Variants in ASTN2 observed in about 807,000 individuals in gnomAD.
The protein encoded by ASTN2 is astrotactin-2.
ASTN2 carries 54 observed loss-of-function variants against 139.8 expected under a neutral mutation model. That is an observed-to-expected ratio of 0.39 (90% confidence interval 0.31 to 0.48). The LOEUF is 0.48. ASTN2 is among the 20% of genes least tolerant of loss of function. The pLI, the probability that ASTN2 is intolerant of heterozygous loss-of-function variation, is 0.95. For synonymous variants in ASTN2, 756 were observed against 719.5 expected, an observed-to-expected ratio of 1.05 and a Z score of -0.81; for missense variants, 1,565 against 1,725.1, an observed-to-expected ratio of 0.91 and a Z score of 1.64.
chr9:116,716,050 C>A (rs1828305262), intron 16 of ASTN2, among the ~76,000 whole-genome samples: 1 of 152,158 alleles, frequency 6.6e-6, no homozygotes. Context: ...CATTCATCTC[C>A]AGGGAAATTC....
intron 1 of ASTN2, among the ~76,000 whole-genome samples, chr9:117,294,705 T>C (rs1283862870): frequency 1.3e-5 from 2 of 152,206 alleles, no homozygotes; most frequent in Non-Finnish European, 2.9e-5. Flanking sequence ...CCATTGACCA[T>C]GGTCCAGGCA....
chr9:116,472,928 G>A (rs1322591351), intron 20 of ASTN2, among the ~76,000 whole-genome samples: 65 of 130,810 alleles, frequency 5.0e-4, no homozygotes, highest in East Asian at 1.1e-3. Flanking sequence ...CTCTGTCTTG[G>A]AAAAAAAAAA....
At chr9:116,636,550 C>T (rs1857082722) in intron 17 of ASTN2, among the ~76,000 whole-genome samples, 1 of 152,072 alleles carries the variant, frequency 6.6e-6, no homozygotes, top group South Asian at 2.1e-4. Flanking sequence ...TGGTGGGTAC[C>T]TGTAATCCCA....
At chr9:117,331,642 G>A (rs909691540) in intron 1 of ASTN2, among the ~76,000 whole-genome samples, 1 of 152,136 alleles carries the variant, frequency 6.6e-6, no homozygotes, top group Non-Finnish European at 1.5e-5. Flanking sequence ...CATGGCCTAT[G>A]GTGGGTGCTC....
intron 4 of ASTN2, among the ~76,000 whole-genome samples, chr9:117,120,016 GTGTATATA>G (rs1286766596): frequency 3.0e-5 from 1 of 33,820 alleles, no homozygotes; most frequent in Non-Finnish European, 7.2e-5. Context: ...GTGTGTGTGT[GTGTATATA>G]TATATATATA....
intron 12 of ASTN2, among the ~76,000 whole-genome samples, chr9:116,815,252 A>G (rs1211199093): frequency 1.3e-5 from 2 of 152,212 alleles, no homozygotes; most frequent in East Asian, 3.9e-4. Flanking sequence ...TACTATGCAT[A>G]TTAAACATGT....
intron 16 of ASTN2, among the ~76,000 whole-genome samples, chr9:116,661,564 C>T (rs1212220281): frequency 6.6e-6 from 1 of 152,020 alleles, no homozygotes; most frequent in Non-Finnish European, 1.5e-5. Context: ...AAGGAAAAAA[C>T]AGAGATGGAG....
intron 19 of ASTN2, among the ~76,000 whole-genome samples, chr9:116,544,176 C>A (rs1851995356): frequency 6.6e-6 from 1 of 152,060 alleles, no homozygotes; most frequent in South Asian, 2.1e-4. Context: ...GATGAATCAG[C>A]CCTGAAATTT....
At chr9:116,710,541 G>A (rs1321763881) in intron 16 of ASTN2, among the ~76,000 whole-genome samples, 1 of 151,930 alleles carries the variant, frequency 6.6e-6, no homozygotes, top group Non-Finnish European at 1.5e-5. Context: ...AGACCAGCCT[G>A]ACCAACATGG....
At chr9:116,988,823 C>T (rs1011965718) in intron 7 of ASTN2, among the ~76,000 whole-genome samples, 1 of 152,062 alleles carries the variant, frequency 6.6e-6, no homozygotes, top group African/African-American at 2.4e-5. Flanking sequence ...TGTGGTTGTC[C>T]ACTTCATGGG....
chr9:116,763,649 G>A (rs1314915470), intron 13 of ASTN2, among the ~76,000 whole-genome samples: 1 of 152,172 alleles, frequency 6.6e-6, no homozygotes, highest in Non-Finnish European at 1.5e-5. Context: ...ATGATTGGCT[G>A]TGTGACATAG....
chr9:117,147,858 T>C (rs561167569), intron 3 of ASTN2, among the ~76,000 whole-genome samples: 11 of 152,312 alleles, frequency 7.2e-5, no homozygotes, highest in African/African-American at 2.6e-4. Context: ...TGCTGCACTC[T>C]ATAAGTACTC....
chr9:116,471,892 T>C (rs1333011643), intron 20 of ASTN2, among the ~76,000 whole-genome samples: 1 of 152,150 alleles, frequency 6.6e-6, no homozygotes, highest in Non-Finnish European at 1.5e-5. Flanking sequence ...ATTTCAAACC[T>C]TGGGCTCTGT....
intron 16 of ASTN2, chr9:116,687,010 G>T: frequency 7.1e-7 from 1 of 1,404,638 alleles, no homozygotes; most frequent in Non-Finnish European, 9.3e-7. Flanking sequence ...GTTTTGTGAA[G>T]GGGTAGACAT....
chr9:117,389,950 C>T (rs1364435144), intron 1 of ASTN2, among the ~76,000 whole-genome samples: 1 of 151,926 alleles, frequency 6.6e-6, no homozygotes, highest in African/African-American at 2.4e-5. Flanking sequence ...CCAGGGAGGC[C>T]CTCTGGGGTC....
chr9:116,433,102 T>C (rs940790495), intron 22 of ASTN2, among the ~76,000 whole-genome samples: 1 of 152,190 alleles, frequency 6.6e-6, no homozygotes, highest in African/African-American at 2.4e-5. Flanking sequence ...CATGTGGACC[T>C]AAAGAAATAA....
intron 11 of ASTN2, among the ~76,000 whole-genome samples, chr9:116,829,820 G>A (rs1461861743): frequency 6.6e-6 from 1 of 152,084 alleles, no homozygotes; most frequent in African/African-American, 2.4e-5. Flanking sequence ...CTGAAAAATT[G>A]GATAGCCATA....
At chr9:117,134,323 C>T (rs1486260899) in intron 4 of ASTN2, among the ~76,000 whole-genome samples, 1 of 147,872 alleles carries the variant, frequency 6.8e-6, no homozygotes, top group Non-Finnish European at 1.5e-5. Context: ...CACACACACA[C>T]ACACACACAC....
chr9:117,151,957 C>T lies in ASTN2; in HGVS notation c.1016-10479G>A, dbSNP rs537235452. Among the ~76,000 whole-genome samples the T allele has an allele frequency of 4.6e-5, 7 of 152,232 alleles. No individual in the cohort carries two copies. The South Asian group carries it at 1.0e-3, about 23-fold the overall frequency. The stretch of plus-strand genomic sequence containing the variant: ...GTTATCCCAGATACCCTGGGTGCAG[C>T]GAGAGCAGAGTGTAGGGATCTGGAC... On this transcript the variant is annotated intron_variant, in intron 3 of 22. Coordinates refer to ENST00000313400, the MANE Select transcript of ASTN2 (RefSeq NM_001365068.1).
Sources: gnomAD v4.1 joint callset for allele counts (sites outside exome capture counted in the v4.1 genomes callset) on GRCh38, gnomAD v4.1.1 for gene constraint, MANE v1.5 for transcripts, NCBI Gene and HGNC (gene_info 2026-07-23, HGNC 2026-07-21) for gene names.